ST6GALNAC3: variants seen among roughly 807,000 people sequenced by gnomAD.
ST6GALNAC3 encodes ST6 N-acetylgalactosaminide alpha-2,6-sialyltransferase 3.
ST6GALNAC3 carries 25 observed loss-of-function variants against 32.7 expected under a neutral mutation model. The ratio of observed to expected loss-of-function variants is 0.76; its 90% CI spans 0.56 to 1.07. ST6GALNAC3 has a LOEUF of 1.07. Among genes scored for constraint, ST6GALNAC3 ranks in the 50% least tolerant of loss-of-function variants. ST6GALNAC3 has a pLI of 0.00. For missense variants in ST6GALNAC3, 355 were observed against 382.4 expected (o/e 0.93, Z 0.60); for synonymous variants, 129 against 133.1 (o/e 0.97, Z 0.21).
chr1:76,522,375 A>G (rs769048057), intron 3 of ST6GALNAC3, among the ~76,000 whole-genome samples: 5 of 152,058 alleles, frequency 3.3e-5, no homozygotes, highest in African/African-American at 7.2e-5. Context: ...CTCTTCAAAT[A>G]TAGTTTCTTT....
intron 1 of ST6GALNAC3, chr1:76,142,886 G>A: frequency 4.4e-6 from 2 of 455,180 alleles, no homozygotes; most frequent in Non-Finnish European, 8.8e-6. Flanking sequence ...GCCACATTGG[G>A]TCAATTCACA....
chr1:76,508,913 C>A (rs1040341007), intron 3 of ST6GALNAC3, among the ~76,000 whole-genome samples: 3 of 152,106 alleles, frequency 2.0e-5, no homozygotes, highest in African/African-American at 7.2e-5. Flanking sequence ...ACATAAATTT[C>A]CAGGATAAAC....
chr1:76,524,551 A>G (rs747032064), intron 3 of ST6GALNAC3, among the ~76,000 whole-genome samples: 4 of 152,122 alleles, frequency 2.6e-5, no homozygotes, highest in Non-Finnish European at 5.9e-5. Context: ...GTAATCATAT[A>G]TAGTAGGTAT....
chr1:76,218,929 A>G (rs1655621394), intron 1 of ST6GALNAC3, among the ~76,000 whole-genome samples: 1 of 152,158 alleles, frequency 6.6e-6, no homozygotes, highest in South Asian at 2.1e-4. Flanking sequence ...GCACTAAGGG[A>G]TTTGCATGTA....
chr1:76,577,304 C>T, intron 3 of ST6GALNAC3: 3 of 987,564 alleles, frequency 3.0e-6, no homozygotes, highest in Non-Finnish European at 3.6e-6. Context: ...AAAGGCCATG[C>T]TAGATTTCCC....
Position 76,165,344 on chromosome 1 carries a change from T to C in ST6GALNAC3, c.18+90460T>C, listed in dbSNP as rs535027282. Among the ~76,000 whole-genome samples, 255 of 152,282 alleles carry C rather than the reference T, an allele frequency of 1.7e-3. 1 individual carries two copies. Among genetic ancestry groups the C allele is most frequent in the African/African-American group, 5.9e-3 (244 of 41,566 alleles). ...TTCATTCATGTCCCTGTAAAAGATA[T>C]GATCTTGTTCCTTTTAATGGTTGCA... On this transcript the variant is annotated intron_variant, in intron 1 of 4. Coordinates refer to ENST00000328299, the MANE Select transcript of ST6GALNAC3 (RefSeq NM_152996.4).
intron 1 of ST6GALNAC3, among the ~76,000 whole-genome samples, chr1:76,302,923 GGGGCT>G (rs1660811884): frequency 6.6e-6 from 1 of 151,956 alleles, no homozygotes; most frequent in Non-Finnish European, 1.5e-5. Flanking sequence ...CAGAGCATAA[GGGGCT>G]CAAGGGCCTG....
At chr1:76,501,025 G>GA (rs1299264136) in intron 3 of ST6GALNAC3, among the ~76,000 whole-genome samples, 3 of 152,176 alleles carry the variant, frequency 2.0e-5, no homozygotes, top group Admixed American at 6.5e-5. Context: ...GTAGTGGGGG[G>GA]AAGACCCCAG....
At chr1:76,221,933 T>G (rs1655796399) in intron 1 of ST6GALNAC3, among the ~76,000 whole-genome samples, 1 of 152,152 alleles carries the variant, frequency 6.6e-6, no homozygotes, top group African/African-American at 2.4e-5. Context: ...GCTTTGATTG[T>G]GTTGAAAGAA....
intron 3 of ST6GALNAC3, among the ~76,000 whole-genome samples, chr1:76,422,776 T>G (rs950163691): frequency 6.6e-6 from 1 of 152,042 alleles, no homozygotes; most frequent in Non-Finnish European, 1.5e-5. Context: ...ATTTTGAACA[T>G]TTGGTCCTAT....
At chr1:76,314,084 T>A in intron 2 of ST6GALNAC3, 85 bp downstream of exon 2, 1 of 1,338,714 alleles carries the variant, frequency 7.5e-7, no homozygotes, top group Non-Finnish European at 1.0e-6. Context: ...TCCAACTCAC[T>A]GAACTTACTC....
At chr1:76,088,070 T>G (rs946375787) in intron 1 of ST6GALNAC3, among the ~76,000 whole-genome samples, 5 of 152,240 alleles carry the variant, frequency 3.3e-5, no homozygotes, top group African/African-American at 4.8e-5. Context: ...TAACAGTTAC[T>G]ATGTGCAGTA....
intron 1 of ST6GALNAC3, among the ~76,000 whole-genome samples, chr1:76,075,272 G>A (rs931511291): frequency 2.0e-5 from 3 of 152,154 alleles, no homozygotes; most frequent in African/African-American, 7.2e-5. Flanking sequence ...GTGAGTTGCT[G>A]GTGGTGAGGG....
intron 3 of ST6GALNAC3, among the ~76,000 whole-genome samples, chr1:76,451,176 T>C (rs1657374080): frequency 6.6e-6 from 1 of 152,096 alleles, no homozygotes; most frequent in Non-Finnish European, 1.5e-5. Context: ...TCTACCCATC[T>C]GTATTAGTCC....
chr1:76,397,386 T>TTTC (rs1553190687), intron 2 of ST6GALNAC3, among the ~76,000 whole-genome samples: 3 of 150,922 alleles, frequency 2.0e-5, no homozygotes, highest in East Asian at 2.0e-4. Flanking sequence ...TTTTTTTTTT[T>TTTC]CTGAGATGGA....
At position 76,215,548 on chromosome 1, in the gene ST6GALNAC3, G is replaced by A. The variant is rs77926915; in HGVS notation, c.19-98257G>A. Among the ~76,000 whole-genome samples the A allele has an allele frequency of 8.0e-3, 1,214 of 152,300 alleles. 11 individuals carry two copies. The highest frequency in any genetic ancestry group is 0.014 in the Middle Eastern group (4 of 294). On this transcript the variant is annotated intron_variant, in intron 1 of 4. Coordinates refer to ENST00000328299, the MANE Select transcript of ST6GALNAC3 (RefSeq NM_152996.4). Reference sequence around the variant, plus strand: ...GAACCACTGGTTTAGGCTGAGGGAGGTCTTGACGATTTCTGTTCGCTCCAC... The same window carrying A: ...GAACCACTGGTTTAGGCTGAGGGAGATCTTGACGATTTCTGTTCGCTCCAC...
At chr1:76,372,711 CA>C (rs1650924559) in intron 2 of ST6GALNAC3, among the ~76,000 whole-genome samples, 1 of 152,042 alleles carries the variant, frequency 6.6e-6, no homozygotes, top group South Asian at 2.1e-4. Context: ...ATGGCATGGC[CA>C]TTTATTTGTT....
At chr1:76,423,248 T>C (rs1331599774) in intron 3 of ST6GALNAC3, among the ~76,000 whole-genome samples, 2 of 151,968 alleles carry the variant, frequency 1.3e-5, no homozygotes, top group Admixed American at 6.6e-5. Context: ...GAGGTAGTTA[T>C]CTAGGAAGTA....
chr1:76,393,752 T>C (rs1652736750), intron 2 of ST6GALNAC3, among the ~76,000 whole-genome samples: 1 of 152,180 alleles, frequency 6.6e-6, no homozygotes, highest in African/African-American at 2.4e-5. Flanking sequence ...CTTTTCCTTA[T>C]TTAATCACAT....
Sources: gnomAD v4.1 joint callset for allele counts (sites outside exome capture counted in the v4.1 genomes callset) on GRCh38, gnomAD v4.1.1 for gene constraint, MANE v1.5 for transcripts, NCBI Gene and HGNC (gene_info 2026-07-23, HGNC 2026-07-21) for gene names.